Variants in RNF180 observed in about 807,000 individuals in gnomAD.
RNF180 encodes the protein ring finger protein 180.
Under a neutral mutation model 59.2 loss-of-function variants are expected in RNF180, and 38 were observed. The ratio of observed to expected loss-of-function variants is 0.64; its 90% CI spans 0.50 to 0.84. RNF180 has a LOEUF of 0.84. Among genes scored for constraint, RNF180 ranks in the 40% least tolerant of loss-of-function variants. The pLI, the probability that RNF180 is intolerant of heterozygous loss-of-function variation, is 0.00. For synonymous variants in RNF180, 262 were observed against 240.3 expected, an observed-to-expected ratio of 1.09 and a Z score of -0.84; for missense variants, 705 against 700.9, an observed-to-expected ratio of 1.01 and a Z score of -0.07.
chr5:64,367,401 A>C (rs1437134830), intron 7 of RNF180, among the ~76,000 whole-genome samples: 1 of 151,704 alleles, frequency 6.6e-6, no homozygotes, highest in Non-Finnish European at 1.5e-5. Flanking sequence ...ATTGTGTAGC[A>C]GTAAAAAAAG....
At chr5:64,330,549 C>G in intron 7 of RNF180, 143 bp downstream of exon 7, 1 of 806,002 alleles carries the variant, frequency 1.2e-6, no homozygotes, top group Non-Finnish European at 1.9e-6. Flanking sequence ...TGCTAAGTAT[C>G]TCCTTGCTGA....
chr5:64,354,404 A>C (rs941142652), intron 7 of RNF180, among the ~76,000 whole-genome samples: 1 of 152,000 alleles, frequency 6.6e-6, no homozygotes, highest in Middle Eastern at 3.4e-3. Flanking sequence ...AATCTAGAAG[A>C]AATAGAAAAT....
At chr5:64,340,378 A>T (rs1745311067) in intron 7 of RNF180, among the ~76,000 whole-genome samples, 1 of 152,210 alleles carries the variant, frequency 6.6e-6, no homozygotes, top group East Asian at 1.9e-4. Context: ...TTTTCATGAA[A>T]GCCTGGAGAA....
chr5:64,261,427 A>G (rs1489318496), intron 5 of RNF180, among the ~76,000 whole-genome samples: 1 of 152,202 alleles, frequency 6.6e-6, no homozygotes, highest in Non-Finnish European at 1.5e-5. Flanking sequence ...AGCACCTGCG[A>G]AATTGGACTG....
rs1282602570 is a variant in RNF180 at position 64,213,999 on chromosome 5, CATA to C, written c.674_676del (p.His225del). The C allele has an allele frequency of 6.2e-7, 1 of 1,614,096 alleles. No homozygotes were observed. The highest frequency in any genetic ancestry group is 8.5e-7 in the Non-Finnish European group (1 of 1,179,992). ...TGGCAGATGCGCTACAAGAGCTTTT[CATA>C]GAAAATCACATAGTTTGGATCTGAA... is the stretch of plus-strand genomic sequence containing the variant. On this transcript the variant is annotated inframe_deletion, in exon 4 of 8. Transcript: ENST00000389100.
intron 1 of RNF180, among the ~76,000 whole-genome samples, chr5:64,167,095 C>T (rs990062760): frequency 1.3e-5 from 2 of 152,160 alleles, no homozygotes; most frequent in Admixed American, 1.3e-4. Context: ...GTCAGACTTT[C>T]GTCTCTTGTA....
At chr5:64,168,163 A>G (rs1425439839) in intron 1 of RNF180, among the ~76,000 whole-genome samples, 3 of 152,200 alleles carry the variant, frequency 2.0e-5, no homozygotes, top group Non-Finnish European at 2.9e-5. Flanking sequence ...GATAACATTC[A>G]TAAACACTTG....
chr5:64,350,422 A>G (rs893677895), intron 7 of RNF180, among the ~76,000 whole-genome samples: 37 of 151,940 alleles, frequency 2.4e-4, no homozygotes, highest in African/African-American at 9.0e-4. Flanking sequence ...ATTAGATCCC[A>G]TTTGTCAATT....
intron 5 of RNF180, among the ~76,000 whole-genome samples, chr5:64,281,815 G>C (rs535432026): frequency 3.3e-5 from 5 of 151,996 alleles, no homozygotes; most frequent in African/African-American, 9.7e-5. Context: ...TAACATGAAG[G>C]GATGTTAAAT....
At chr5:64,242,586 G>A (rs1006670817) in intron 5 of RNF180, among the ~76,000 whole-genome samples, 6 of 152,130 alleles carry the variant, frequency 3.9e-5, no homozygotes, top group Admixed American at 6.5e-5. Flanking sequence ...AAAGTTTTGG[G>A]CATCATCAAA....
intron 5 of RNF180, among the ~76,000 whole-genome samples, chr5:64,246,324 G>C (rs1352620542): frequency 6.6e-6 from 1 of 152,126 alleles, no homozygotes; most frequent in East Asian, 1.9e-4. Context: ...AGGAATCCAG[G>C]AGTTGGTTTT....
intron 1 of RNF180, among the ~76,000 whole-genome samples, chr5:64,170,460 G>A (rs1322066879): frequency 6.6e-6 from 1 of 152,190 alleles, no homozygotes; most frequent in African/African-American, 2.4e-5. Flanking sequence ...TAGCCACTGA[G>A]TAGATTAAAA....
At chr5:64,233,376 CTG>C (rs1167723990) in intron 5 of RNF180, among the ~76,000 whole-genome samples, 4 of 152,080 alleles carry the variant, frequency 2.6e-5, no homozygotes, top group Admixed American at 2.0e-4. Flanking sequence ...AGTTATAGGA[CTG>C]TGTAGCAAAT....
intron 2 of RNF180, among the ~76,000 whole-genome samples, chr5:64,205,948 T>C (rs1278957105): frequency 1.3e-5 from 2 of 152,124 alleles, no homozygotes; most frequent in Non-Finnish European, 2.9e-5. Context: ...TACAATATTA[T>C]GGAAGTCAAG....
chr5:64,273,878 A>G (rs996987867), intron 5 of RNF180, among the ~76,000 whole-genome samples: 1 of 152,052 alleles, frequency 6.6e-6, no homozygotes, highest in Non-Finnish European at 1.5e-5. Flanking sequence ...GAGTCATATC[A>G]GAGAGCAGCT....
intron 5 of RNF180, among the ~76,000 whole-genome samples, chr5:64,291,726 C>T (rs534435582): frequency 1.3e-5 from 2 of 152,094 alleles, no homozygotes; most frequent in African/African-American, 4.8e-5. Flanking sequence ...CGTGCCCGGC[C>T]CTGAAGTATG....
At chr5:64,271,193 A>G (rs1424769114) in intron 5 of RNF180, among the ~76,000 whole-genome samples, 1 of 152,076 alleles carries the variant, frequency 6.6e-6, no homozygotes, top group African/African-American at 2.4e-5. Context: ...GAACCAGATT[A>G]TTGCATTAAA....
chr5:64,275,101 C>T (rs894789635), intron 5 of RNF180, among the ~76,000 whole-genome samples: 1 of 151,568 alleles, frequency 6.6e-6, no homozygotes, highest in African/African-American at 2.4e-5. Flanking sequence ...TTTGACACAA[C>T]AATGACATTT....
At chr5:64,270,904 T>G (rs1741362060) in intron 5 of RNF180, among the ~76,000 whole-genome samples, 1 of 152,120 alleles carries the variant, frequency 6.6e-6, no homozygotes, top group African/African-American at 2.4e-5. Flanking sequence ...ATACCTGATG[T>G]GTTTTTTGTT....
Sources: allele counts gnomAD v4.1 joint callset (sites outside exome capture counted in the v4.1 genomes callset), GRCh38; gene constraint gnomAD v4.1.1; transcripts MANE v1.5; gene names NCBI Gene and HGNC (gene_info 2026-07-23, HGNC 2026-07-21).